TMLHE: variants seen among roughly 807,000 people sequenced by gnomAD.
TMLHE encodes the protein trimethyllysine hydroxylase, epsilon, also known as trimethyllysine dioxygenase, mitochondrial.
In TMLHE, 18 loss-of-function variants were observed where a neutral mutation model predicts 25.7. That is an observed-to-expected ratio of 0.70 (90% confidence interval 0.48 to 1.04). TMLHE has a LOEUF of 1.04. TMLHE is among the 50% of genes least tolerant of loss of function. The probability of loss-of-function intolerance (pLI) is 0.00; values close to 1 mark genes in which losing one functional copy is unlikely to be tolerated. For missense variants in TMLHE, 236 were observed against 259.0 expected (o/e 0.91, Z 0.61); for synonymous variants, 105 against 97.0 (o/e 1.08, Z -0.49).
Position 155,562,962 on chromosome X carries a change from C to T in TMLHE, c.-1-17685G>A, listed in dbSNP as rs192226235. 8.0e-5 allele frequency among the ~76,000 whole-genome samples: 5 copies of T among 62,336 alleles called. 1 individual carries two copies. The Admixed American group carries it at 9.3e-4, about 12-fold the overall frequency. 54.1% of individuals were successfully genotyped at this position (62,336 alleles called of 115,157 possible). On this transcript the variant is annotated intron_variant, in intron 1 of 7. Transcript: ENST00000334398. ...TGGATTTCACTGTCCAAATCACTAT[C>T]AGCATTTTGGTCAAAACCCTTCAAC...
At chrX:155,580,091 C>T (rs1557344333) in intron 1 of TMLHE, among the ~76,000 whole-genome samples, 1 of 111,638 alleles carries the variant, frequency 9.0e-6, no homozygotes, top group Non-Finnish European at 1.9e-5. Flanking sequence ...GAACCTAGTT[C>T]TCAGCAGCCA....
At chrX:155,556,645 G>A (rs1211046612) in intron 1 of TMLHE, among the ~76,000 whole-genome samples, 2 of 109,824 alleles carry the variant, frequency 1.8e-5, no homozygotes, top group African/African-American at 3.3e-5. Context: ...CAGGACGGAA[G>A]CGAAATTAAA....
intron 1 of TMLHE, among the ~76,000 whole-genome samples, chrX:155,551,380 T>C (rs1378487047): frequency 2.7e-5 from 2 of 73,326 alleles, no homozygotes; most frequent in Non-Finnish European, 4.8e-5. Context: ...CCCAAATCCT[T>C]TGGGTATATA....
intron 1 of TMLHE, among the ~76,000 whole-genome samples, chrX:155,607,332 A>G (rs2067792895): frequency 8.9e-6 from 1 of 112,243 alleles, no homozygotes; most frequent in African/African-American, 3.2e-5. Context: ...TCACATGTTC[A>G]TTTCAATAGA....
At chrX:155,593,243 C>T (rs1225096302) in intron 1 of TMLHE, among the ~76,000 whole-genome samples, 1 of 111,743 alleles carries the variant, frequency 8.9e-6, no homozygotes, top group Non-Finnish European at 1.9e-5. Flanking sequence ...ATTGTAAAGC[C>T]CAGCCAACAA....
At chrX:155,505,826 G>A (rs1211209560) in intron 6 of TMLHE, among the ~76,000 whole-genome samples, 1 of 111,775 alleles carries the variant, frequency 8.9e-6, no homozygotes, top group Non-Finnish European at 1.9e-5. Flanking sequence ...AACAGAGCAT[G>A]ACTCTTGGTA....
At chrX:155,547,736 A>G (rs2067361868) in intron 1 of TMLHE, among the ~76,000 whole-genome samples, 1 of 109,818 alleles carries the variant, frequency 9.1e-6, no homozygotes, top group Non-Finnish European at 1.9e-5. Context: ...AAAAGATGGG[A>G]TTGTTGGAGG....
Position 155,553,344 on chromosome X carries a change from A to G in TMLHE, c.-1-8067T>C, listed in dbSNP as rs180994552. Among the ~76,000 whole-genome samples the G allele has an allele frequency of 6.4e-3, 692 of 108,823 alleles. 19 individuals carry two copies. Among genetic ancestry groups the G allele is most frequent in the African/African-American group, 0.022 (644 of 29,697 alleles). The allele number at this position is 108,823 out of a possible 115,157, so 94.5% of individuals were successfully genotyped here. On this transcript the variant is annotated intron_variant, in intron 1 of 7. Coordinates refer to ENST00000334398, the MANE Select transcript of TMLHE (RefSeq NM_018196.4). Reference sequence around the variant, plus strand: ...GCATCAGTAAATTTTTGCTTTGCCTATTTTGAGTGTTAAGTGCATACAAAT... The same window carrying G: ...GCATCAGTAAATTTTTGCTTTGCCTGTTTTGAGTGTTAAGTGCATACAAAT...
At chrX:155,546,428 A>G (rs1013481784) in intron 1 of TMLHE, among the ~76,000 whole-genome samples, 9 of 111,581 alleles carry the variant, frequency 8.1e-5, no homozygotes, top group Admixed American at 2.9e-4. Context: ...GTGGTTCTCA[A>G]TGTGAACCTT....
intron 2 of TMLHE, among the ~76,000 whole-genome samples, chrX:155,537,117 C>G (rs782149534): frequency 1.8e-5 from 2 of 111,821 alleles, no homozygotes; most frequent in South Asian, 7.5e-4. Flanking sequence ...GACACTGGGA[C>G]ACTATAAAAG....
intron 5 of TMLHE, among the ~76,000 whole-genome samples, chrX:155,510,935 T>G (rs373813291): frequency 4.6e-5 from 5 of 109,029 alleles, no homozygotes; most frequent in South Asian, 4.1e-4. Context: ...TTTTAATGAT[T>G]GCCATTCTAA....
chrX:155,523,086 T>C (rs1157300995), intron 3 of TMLHE, among the ~76,000 whole-genome samples: 1 of 111,941 alleles, frequency 8.9e-6, no homozygotes, highest in East Asian at 2.8e-4. Context: ...ATACTAACTT[T>C]CATTTCTGTA....
intron 1 of TMLHE, among the ~76,000 whole-genome samples, chrX:155,590,261 G>T (rs1389889265): frequency 9.0e-6 from 1 of 111,588 alleles, no homozygotes; most frequent in Non-Finnish European, 1.9e-5. Context: ...GTGTATGGTT[G>T]GTCTTACAAC....
In TMLHE at chrX:155,545,177, A is replaced by G. The variant is rs368225710; in HGVS notation, c.100T>C (p.Leu34=). The G allele has an allele frequency of 1.4e-5, 17 of 1,208,805 alleles. No individual in the cohort carries two copies. The African/African-American group carries it at 2.1e-4, about 15-fold the overall frequency. The change falls in exon 2 of 8, where the codon TTA becomes CTA. Residue 34 remains leucine (L), a synonymous_variant. Transcript: ENST00000334398. ...PALPQPNFKS[L]LPLAVHWHHT... ...TGCCAATGGACAGCTAAAGGAAGTA[A>G]GCTTTTGAAGTTGGGCTGTGGAAGG...
intron 2 of TMLHE, among the ~76,000 whole-genome samples, chrX:155,540,966 C>T (rs1311377464): frequency 2.7e-5 from 3 of 111,305 alleles, no homozygotes; most frequent in Non-Finnish European, 5.7e-5. Context: ...AAAAGCAATA[C>T]ATAAAATGCA....
At chrX:155,596,738 A>G (rs1280218658) in intron 1 of TMLHE, among the ~76,000 whole-genome samples, 1 of 111,503 alleles carries the variant, frequency 9.0e-6, no homozygotes, top group African/African-American at 3.3e-5. Context: ...TTCAAAATAT[A>G]TGTTTGTCAG....
intron 1 of TMLHE, among the ~76,000 whole-genome samples, chrX:155,585,409 ACACACAAACACAC>A (rs2067657665): frequency 1.9e-5 from 1 of 51,506 alleles, no homozygotes; most frequent in Admixed American, 2.4e-4. Context: ...AATTATACAC[ACACACAAACACAC>A]ACACACACAC....
intron 1 of TMLHE, among the ~76,000 whole-genome samples, chrX:155,550,241 T>C (rs928721637): frequency 4.5e-5 from 5 of 110,931 alleles, no homozygotes; most frequent in Non-Finnish European, 3.8e-5. Context: ...AAAATCAGTT[T>C]TATTGTAATA....
intron 1 of TMLHE, among the ~76,000 whole-genome samples, chrX:155,568,205 G>T (rs1370607924): frequency 4.9e-5 from 3 of 61,679 alleles, no homozygotes; most frequent in African/African-American, 1.1e-4. Flanking sequence ...GGCTCAGAGG[G>T]TCCTACGCCC....
Sources: gnomAD v4.1 joint callset for allele counts (sites outside exome capture counted in the v4.1 genomes callset) on GRCh38, gnomAD v4.1.1 for gene constraint, MANE v1.5 for transcripts, NCBI Gene and HGNC (gene_info 2026-07-23, HGNC 2026-07-21) for gene names.